ABLIM1: variants seen among roughly 807,000 people sequenced by gnomAD.
ABLIM1 encodes actin-binding LIM protein 1.
ABLIM1 carries 40 observed loss-of-function variants against 107.0 expected under a neutral mutation model. That is an observed-to-expected ratio of 0.37 (90% confidence interval 0.29 to 0.49). The LOEUF (loss-of-function observed/expected upper bound fraction) is 0.49. Among genes scored for constraint, ABLIM1 ranks in the 20% least tolerant of loss-of-function variants. The pLI is 0.97. For missense variants in ABLIM1, 857 were observed against 1,008.5 expected, an observed-to-expected ratio of 0.85 and a Z score of 2.04; for synonymous variants, 357 against 357.3, an observed-to-expected ratio of 1.00 and a Z score of 0.01.
At chr10:114,607,023 A>G (rs2076463374) in intron 1 of ABLIM1, among the ~76,000 whole-genome samples, 1 of 151,804 alleles carries the variant, frequency 6.6e-6, no homozygotes, top group Non-Finnish European at 1.5e-5. Flanking sequence ...CAGGCCCTCA[A>G]CTCCTTTTTC....
intron 10 of ABLIM1, among the ~76,000 whole-genome samples, chr10:114,469,364 C>T (rs2065992851): frequency 1.3e-5 from 2 of 152,224 alleles, no homozygotes; most frequent in Admixed American, 6.5e-5. Flanking sequence ...CTATCATTCA[C>T]CTCTGGCTTC....
In ABLIM1 at chr10:114,625,582, C is replaced by T. The variant is rs557429941; in HGVS notation, c.245-23621G>A. 4.6e-5 allele frequency among the ~76,000 whole-genome samples: 7 copies of T among 152,078 alleles called. No homozygotes were observed. The South Asian group carries it at 8.3e-4, about 18-fold the overall frequency. ...TCTAGAAGAATTCGCAGAAGGGATGCGCCTTCAAGGAGCTCTATAAGGAAG... is the reference window on the plus strand; with the variant it reads ...TCTAGAAGAATTCGCAGAAGGGATGTGCCTTCAAGGAGCTCTATAAGGAAG... On this transcript the variant is annotated intron_variant, in intron 1 of 22. Coordinates refer to ENST00000533213, the MANE Select transcript of ABLIM1 (RefSeq NM_002313.7).
chr10:114,623,151 A>T (rs899428348), intron 1 of ABLIM1, among the ~76,000 whole-genome samples: 1 of 152,090 alleles, frequency 6.6e-6, no homozygotes, highest in East Asian at 1.9e-4. Flanking sequence ...ATGAACTTTT[A>T]CCCAAAAATT....
At position 114,432,683 on chromosome 10, in the gene ABLIM1, A is replaced by C. The variant is rs1461408283; in HGVS notation, c.*3577T>G. 1 of 152,188 alleles carries C rather than the reference A, an allele frequency of 6.6e-6. No homozygotes were observed. Among genetic ancestry groups the C allele is most frequent in the Non-Finnish European group, 1.5e-5 (1 of 68,038 alleles). 9.4% of individuals were successfully genotyped at this position (152,188 alleles called of 1,614,324 possible). A position where few individuals can be genotyped will look rare whatever the true frequency, so the allele number is the denominator to read the frequency against. ...TTGGGATGGAGAGGATGAGAACTGA[A>C]AAAGAACTGCTCCAGCCTCTGCCTC... On this transcript the variant is annotated 3_prime_UTR_variant, in exon 23 of 23. Coordinates refer to ENST00000533213, the MANE Select transcript of ABLIM1 (RefSeq NM_002313.7).
chr10:114,504,853 A>T (rs1293309056), intron 6 of ABLIM1, among the ~76,000 whole-genome samples: 1 of 152,240 alleles, frequency 6.6e-6, no homozygotes, highest in Non-Finnish European at 1.5e-5. Flanking sequence ...TTAAAAGGGT[A>T]TAAAGTAGTG....
chr10:114,480,503 T>G (rs1371428698), intron 8 of ABLIM1, among the ~76,000 whole-genome samples: 2 of 152,242 alleles, frequency 1.3e-5, no homozygotes, highest in Non-Finnish European at 2.9e-5. Context: ...AAAGTGCAGT[T>G]GGAGAAATTC....
At chr10:114,609,437 AT>A (rs2140186674) in intron 1 of ABLIM1, among the ~76,000 whole-genome samples, 1 of 152,228 alleles carries the variant, frequency 6.6e-6, no homozygotes, top group East Asian at 1.9e-4. Flanking sequence ...TTGAGAAAAT[AT>A]TTCCTTCTCC....
chr10:114,781,088 T>C, the ABLIM1 span, among the ~76,000 whole-genome samples: 1 of 152,204 alleles, frequency 6.6e-6, no homozygotes, highest in African/African-American at 2.4e-5. Context: ...TGAATAAATG[T>C]CTTGCCTTTA....
intron 1 of ABLIM1, among the ~76,000 whole-genome samples, chr10:114,731,025 T>G (rs1463742836): frequency 6.6e-6 from 1 of 152,204 alleles, no homozygotes; most frequent in African/African-American, 2.4e-5. Context: ...AATATACCAT[T>G]GTACGGATAC....
upstream of ABLIM1, among the ~76,000 whole-genome samples, chr10:114,688,374 T>C (rs779861711): frequency 2.6e-5 from 4 of 152,142 alleles, no homozygotes; most frequent in Non-Finnish European, 5.9e-5. Flanking sequence ...CTAGACTTTA[T>C]CTAGAAAGGC....
chr10:114,763,408 A>AC (rs552493103), intron 1 of ABLIM1, among the ~76,000 whole-genome samples: 1 of 151,212 alleles, frequency 6.6e-6, no homozygotes, highest in East Asian at 1.9e-4. Context: ...ATTGATAGTG[A>AC]TTTTTTTTTG....
intron 2 of ABLIM1, among the ~76,000 whole-genome samples, chr10:114,589,540 A>G (rs77364714): frequency 7.4e-5 from 11 of 149,450 alleles, no homozygotes; most frequent in Admixed American, 2.0e-4. Context: ...AAAAAAAAAA[A>G]AGAGAGAGAG....
At chr10:114,654,129 G>T (rs1214532406) in intron 1 of ABLIM1, among the ~76,000 whole-genome samples, 1 of 152,226 alleles carries the variant, frequency 6.6e-6, no homozygotes, top group Admixed American at 6.5e-5. Flanking sequence ...ATGCATGGCT[G>T]CAGGAGGGCG....
At chr10:114,640,048 T>C (rs376457835) in intron 1 of ABLIM1, among the ~76,000 whole-genome samples, 6 of 152,220 alleles carry the variant, frequency 3.9e-5, no homozygotes, top group African/African-American at 9.6e-5. Context: ...AGAAATCTTA[T>C]TATATTCCTT....
At chr10:114,596,142 T>C (rs892609100) in intron 2 of ABLIM1, among the ~76,000 whole-genome samples, 6 of 152,214 alleles carry the variant, frequency 3.9e-5, no homozygotes, top group Admixed American at 3.9e-4. Flanking sequence ...CTTTGTCTCT[T>C]AAATCTTCTA....
At chr10:114,496,855 G>A (rs2059732657) in intron 6 of ABLIM1, among the ~76,000 whole-genome samples, 1 of 152,048 alleles carries the variant, frequency 6.6e-6, no homozygotes, top group East Asian at 1.9e-4. Context: ...GAGGCTCCAG[G>A]GTCAGATGCT....
upstream of ABLIM1, among the ~76,000 whole-genome samples, chr10:114,659,472 G>A (rs532663054): frequency 6.6e-6 from 1 of 152,208 alleles, no homozygotes; most frequent in South Asian, 2.1e-4. Flanking sequence ...AGCTATGATT[G>A]TGCCACTGTA....
intron 6 of ABLIM1, among the ~76,000 whole-genome samples, chr10:114,507,226 C>G (rs1031636892): frequency 2.0e-5 from 3 of 152,164 alleles, no homozygotes; most frequent in African/African-American, 7.2e-5. Flanking sequence ...TGCCTTCCAG[C>G]CTGGAATTTA....
intron 1 of ABLIM1, among the ~76,000 whole-genome samples, chr10:114,746,505 A>T (rs1362523192): frequency 6.6e-6 from 1 of 152,210 alleles, no homozygotes; most frequent in Non-Finnish European, 1.5e-5. Flanking sequence ...ACTTAGGTTG[A>T]TTCCATAACT....
Sources: allele counts gnomAD v4.1 joint callset (sites outside exome capture counted in the v4.1 genomes callset), GRCh38; gene constraint gnomAD v4.1.1; transcripts MANE v1.5; gene names NCBI Gene and HGNC (gene_info 2026-07-23, HGNC 2026-07-21).